The following OPCML variants were observed in gnomAD, a reference collection of about 807,000 sequenced individuals.
OPCML encodes opioid binding protein/cell adhesion molecule like, also known as opioid-binding protein/cell adhesion molecule.
In OPCML, 13 loss-of-function variants were observed where a neutral mutation model predicts 37.8. The observed-to-expected ratio is 0.34, with a 90% CI of 0.22 to 0.55. The LOEUF (loss-of-function observed/expected upper bound fraction) is 0.55. Among genes scored for constraint, OPCML ranks in the 20% least tolerant of loss-of-function variants. OPCML has a pLI of 0.91. For missense variants in OPCML, 341 were observed against 435.6 expected (o/e 0.78, Z 1.93); for synonymous variants, 176 against 168.8 (o/e 1.04, Z -0.33).
chr11:132,570,641 G>C (rs1424590587), intron 3 of OPCML, among the ~76,000 whole-genome samples: 8 of 150,462 alleles, frequency 5.3e-5, no homozygotes, highest in Non-Finnish European at 7.4e-5. Flanking sequence ...TCTCAAAAAA[G>C]AAGCAGGGGA....
intron 1 of OPCML, among the ~76,000 whole-genome samples, chr11:133,060,214 C>G (rs1021831012): frequency 2.0e-5 from 3 of 151,704 alleles, no homozygotes; most frequent in Non-Finnish European, 4.4e-5. Context: ...CTCCCTCCCC[C>G]TCCACCTCCT....
intron 1 of OPCML, among the ~76,000 whole-genome samples, chr11:133,434,810 A>G (rs1014760010): frequency 6.8e-6 from 1 of 146,120 alleles, no homozygotes; most frequent in Admixed American, 6.9e-5. Flanking sequence ...ATATATATAT[A>G]TATATATATA....
At chr11:132,764,605 T>A (rs528905122) in intron 2 of OPCML, among the ~76,000 whole-genome samples, 12 of 152,184 alleles carry the variant, frequency 7.9e-5, no homozygotes, top group Non-Finnish European at 1.5e-4. Flanking sequence ...AAATCCCTCA[T>A]CATAAAACCC....
At chr11:132,881,528 G>T (rs1440103466) in intron 2 of OPCML, among the ~76,000 whole-genome samples, 2 of 152,152 alleles carry the variant, frequency 1.3e-5, no homozygotes, top group Non-Finnish European at 2.9e-5. Flanking sequence ...CTGATACATG[G>T]TTAGGCTGGG....
intron 2 of OPCML, among the ~76,000 whole-genome samples, chr11:132,732,720 G>A (rs534061153): frequency 2.6e-5 from 4 of 152,178 alleles, no homozygotes; most frequent in Non-Finnish European, 1.5e-5. Flanking sequence ...AAGAGAGATT[G>A]TTAGGTTATA....
intron 2 of OPCML, among the ~76,000 whole-genome samples, chr11:132,693,261 G>C (rs1943474576): frequency 6.6e-6 from 1 of 152,182 alleles, no homozygotes; most frequent in African/African-American, 2.4e-5. Flanking sequence ...ATTGAAGGCA[G>C]AGGAGACAGC....
intron 1 of OPCML, among the ~76,000 whole-genome samples, chr11:133,099,541 G>C (rs4936183): frequency 0.46 from 70,014 of 150,674 alleles, 17,881 homozygotes; most frequent in Admixed American, 0.58. Context: ...CCCACCTTGG[G>C]CTCCCAAAGT....
At chr11:133,123,711 C>T (rs952207402) in intron 1 of OPCML, among the ~76,000 whole-genome samples, 22 of 152,112 alleles carry the variant, frequency 1.4e-4, no homozygotes, top group African/African-American at 4.3e-4. Flanking sequence ...AAAAGGTCAC[C>T]GCCTCCTGAG....
chr11:133,042,053 G>A (rs181498700), intron 1 of OPCML, among the ~76,000 whole-genome samples: 2 of 152,108 alleles, frequency 1.3e-5, no homozygotes, highest in African/African-American at 2.4e-5. Flanking sequence ...GGGGTGGGGG[G>A]AGCCTGCTTA....
intron 1 of OPCML, among the ~76,000 whole-genome samples, chr11:133,135,236 C>T (rs1901913): frequency 0.085 from 12,931 of 152,138 alleles, 1,253 homozygotes; most frequent in African/African-American, 0.24. Context: ...ACAGCTGAAG[C>T]GTTAGTGATC....
intron 4 of OPCML, among the ~76,000 whole-genome samples, chr11:132,475,949 C>G (rs909385789): frequency 6.6e-6 from 1 of 152,118 alleles, no homozygotes; most frequent in African/African-American, 2.4e-5. Flanking sequence ...TGCAAGTAAC[C>G]TAACCTCTTT....
At chr11:132,512,983 T>G (rs1282265966) in intron 4 of OPCML, among the ~76,000 whole-genome samples, 1 of 149,944 alleles carries the variant, frequency 6.7e-6, no homozygotes, top group Non-Finnish European at 1.5e-5. Context: ...ACCGCAAGAT[T>G]TTTTTAAATA....
intron 1 of OPCML, among the ~76,000 whole-genome samples, chr11:132,984,419 C>T (rs1172642272): frequency 1.3e-5 from 2 of 152,164 alleles, no homozygotes; most frequent in African/African-American, 4.8e-5. Context: ...ATCTGGCACA[C>T]TGAATAAGAC....
intron 3 of OPCML, among the ~76,000 whole-genome samples, chr11:132,557,301 G>T (rs2096397986): frequency 6.6e-6 from 1 of 152,192 alleles, no homozygotes. Context: ...CAGTCGTAGA[G>T]GGAGTCAGAG....
chr11:133,222,047 C>A (rs537335139), intron 1 of OPCML, among the ~76,000 whole-genome samples: 2 of 152,300 alleles, frequency 1.3e-5, no homozygotes, highest in African/African-American at 4.8e-5. Context: ...AAGCTCAGGG[C>A]AGTAATCGGA....
chr11:132,984,984 C>T (rs1033895293), intron 1 of OPCML, among the ~76,000 whole-genome samples: 17 of 152,146 alleles, frequency 1.1e-4, no homozygotes, highest in Non-Finnish European at 2.4e-4. Flanking sequence ...AGAACACCTG[C>T]TCCTTCCATC....
chr11:132,460,784 A>G (rs1311860731), intron 4 of OPCML, among the ~76,000 whole-genome samples: 3 of 152,218 alleles, frequency 2.0e-5, no homozygotes, highest in African/African-American at 4.8e-5. Flanking sequence ...TTTACAAAAT[A>G]TCACATATAC....
rs142171800 is a variant in OPCML, at chr11:133,251,229, T to C, written c.61+281035A>G. ...GTGGGCTACAACAGAAGCCTCTTTA[T>C]AGAGACTGTTTTAGACCCTCTGAAT... On this transcript the variant is annotated intron_variant, in intron 1 of 7. Transcript: ENST00000524381. 5.2e-3 allele frequency among the ~76,000 whole-genome samples: 785 copies of C among 152,254 alleles called. 23 individuals carry two copies. Among genetic ancestry groups the C allele is most frequent in the Admixed American group, 0.048 (732 of 15,298 alleles).
At chr11:132,618,954 TACACACACACACACACACAC>T (rs6144570) in intron 3 of OPCML, among the ~76,000 whole-genome samples, 350 of 145,508 alleles carry the variant, frequency 2.4e-3, no homozygotes, top group South Asian at 7.1e-3. Flanking sequence ...AGCACACGCA[TACACACACACACACACACAC>T]ACACACACAC....
Sources: allele counts gnomAD v4.1 joint callset (sites outside exome capture counted in the v4.1 genomes callset), GRCh38; gene constraint gnomAD v4.1.1; transcripts MANE v1.5; gene names NCBI Gene and HGNC (gene_info 2026-07-23, HGNC 2026-07-21).